AGTPBP1: variants seen among roughly 807,000 people sequenced by gnomAD.
The protein encoded by AGTPBP1 is ATP/GTP binding carboxypeptidase 1.
Under a neutral mutation model 143.9 loss-of-function variants are expected in AGTPBP1, and 70 were observed. That is an observed-to-expected ratio of 0.49 (90% confidence interval 0.40 to 0.59). The LOEUF (loss-of-function observed/expected upper bound fraction) is 0.59. Ranked by LOEUF, AGTPBP1 falls within the 20% of genes least tolerant of loss-of-function variation. The pLI, the probability that AGTPBP1 is intolerant of heterozygous loss-of-function variation, is 0.00. For missense variants in AGTPBP1, 1,229 were observed against 1,464.5 expected (o/e 0.84, Z 2.62); for synonymous variants, 463 against 500.2 (o/e 0.93, Z 0.99).
intron 1 of AGTPBP1, 105 bp downstream of exon 1, chr9:85,741,670 G>A: frequency 8.0e-7 from 1 of 1,255,058 alleles, no homozygotes; most frequent in Non-Finnish European, 1.0e-6. Context: ...CAGGGATCCG[G>A]GGTCGCCCCT....
chr9:85,697,288 T>G (rs559353642), intron 2 of AGTPBP1, among the ~76,000 whole-genome samples: 6 of 152,230 alleles, frequency 3.9e-5, no homozygotes, highest in Admixed American at 3.3e-4. Context: ...TGCAAAAATG[T>G]AATAAAATAT....
the AGTPBP1 span, among the ~76,000 whole-genome samples, chr9:85,748,821 G>A: frequency 3.9e-5 from 6 of 152,068 alleles, no homozygotes; most frequent in African/African-American, 1.4e-4. Flanking sequence ...GTTCAGTGTT[G>A]TGGTCTTTGG....
the AGTPBP1 span, among the ~76,000 whole-genome samples, chr9:85,766,618 G>T: frequency 4.5e-4 from 68 of 152,234 alleles, no homozygotes; most frequent in African/African-American, 1.6e-3. Context: ...TTGAGGGAAT[G>T]ATGAGCCTCC....
At chr9:85,786,619 A>G in the AGTPBP1 span, 1 of 1,524,482 alleles carries the variant, frequency 6.6e-7, no homozygotes, top group Non-Finnish European at 8.8e-7. Flanking sequence ...ATGTAAAAAG[A>G]TTCCTTTTTC....
intron 24 of AGTPBP1, among the ~76,000 whole-genome samples, chr9:85,575,896 T>A (rs539236225): frequency 6.6e-6 from 1 of 152,144 alleles, no homozygotes; most frequent in African/African-American, 2.4e-5. Flanking sequence ...ATATGTACAT[T>A]TGAACATTAC....
At chr9:85,629,773 C>T (rs1269419790) in intron 14 of AGTPBP1, among the ~76,000 whole-genome samples, 1 of 152,144 alleles carries the variant, frequency 6.6e-6, no homozygotes, top group Non-Finnish European at 1.5e-5. Flanking sequence ...AGAAGCACTG[C>T]TTGGGAGGGA....
chr9:85,759,316 A>T, the AGTPBP1 span, among the ~76,000 whole-genome samples: 5 of 152,202 alleles, frequency 3.3e-5, no homozygotes, highest in Non-Finnish European at 5.9e-5. Flanking sequence ...AACACAATAT[A>T]CATTCTTCTC....
intron 20 of AGTPBP1, among the ~76,000 whole-genome samples, chr9:85,588,944 T>C (rs1213921853): frequency 6.6e-6 from 1 of 152,116 alleles, no homozygotes; most frequent in Non-Finnish European, 1.5e-5. Flanking sequence ...CCCCAAAATT[T>C]CACTATACAT....
chr9:85,727,665 A>G (rs1689893618), intron 1 of AGTPBP1, among the ~76,000 whole-genome samples: 1 of 147,334 alleles, frequency 6.8e-6, no homozygotes. Flanking sequence ...GGCCCAATCT[A>G]CAAACATTTG....
chr9:85,655,088 A>T, intron 11 of AGTPBP1, 55 bp downstream of exon 11: 1 of 1,419,720 alleles, frequency 7.0e-7, no homozygotes, highest in African/African-American at 1.5e-5. Context: ...AGAAAATCAC[A>T]GGGTCACATA....
the AGTPBP1 span, among the ~76,000 whole-genome samples, chr9:85,804,791 A>G: frequency 1.3e-5 from 2 of 152,214 alleles, no homozygotes; most frequent in Non-Finnish European, 2.9e-5. Context: ...GGAACTGAGC[A>G]ATGTTAGTTA....
intron 1 of AGTPBP1, among the ~76,000 whole-genome samples, chr9:85,735,089 T>C (rs1246691296): frequency 2.0e-5 from 3 of 152,148 alleles, no homozygotes. Flanking sequence ...GATGTTTACA[T>C]ACCTAGATTC....
chr9:85,668,202 T>C (rs938998205), intron 8 of AGTPBP1, among the ~76,000 whole-genome samples: 4 of 152,110 alleles, frequency 2.6e-5, no homozygotes, highest in Non-Finnish European at 4.4e-5. Context: ...TCTACATTTG[T>C]GTAGGCTTGG....
chr9:85,667,988 A>T (rs1045216185), intron 8 of AGTPBP1, among the ~76,000 whole-genome samples: 3 of 151,994 alleles, frequency 2.0e-5, no homozygotes, highest in Non-Finnish European at 4.4e-5. Context: ...CACAGAAAAG[A>T]CAACTGCGGT....
At chr9:85,725,470 C>T (rs1587984561) in intron 1 of AGTPBP1, among the ~76,000 whole-genome samples, 1 of 152,190 alleles carries the variant, frequency 6.6e-6, no homozygotes, top group East Asian at 1.9e-4. Flanking sequence ...GGTTGCTACG[C>T]ATAGGGGGAG....
chr9:85,592,856 C>T, intron 18 of AGTPBP1, 152 bp from the exon 19 acceptor site: 1 of 830,712 alleles, frequency 1.2e-6, no homozygotes, highest in South Asian at 1.7e-5. Context: ...AAACTTAGTA[C>T]TAATAAAGCA....
At chr9:85,723,643 C>T (rs555162114) in intron 1 of AGTPBP1, among the ~76,000 whole-genome samples, 6 of 152,338 alleles carry the variant, frequency 3.9e-5, no homozygotes, top group South Asian at 2.1e-4. Flanking sequence ...TGACCCCTTG[C>T]GCTTCCCAGG....
intron 2 of AGTPBP1, among the ~76,000 whole-genome samples, chr9:85,704,450 T>C (rs753107364): frequency 6.6e-6 from 1 of 152,150 alleles, no homozygotes; most frequent in Non-Finnish European, 1.5e-5. Flanking sequence ...TTGTGTCTGA[T>C]CCCACCAATC....
In AGTPBP1 at chr9:85,546,829, T is replaced by C; in HGVS notation, c.*280A>G. The C allele has an allele frequency of 4.2e-6, 1 of 240,662 alleles. No individual in the cohort carries two copies. Among genetic ancestry groups the C allele is most frequent in the South Asian group, 1.1e-4 (1 of 9,462 alleles). The allele number at this position is 240,662 out of a possible 1,614,324, so 14.9% of individuals were successfully genotyped here. A position where few individuals can be genotyped will look rare whatever the true frequency, so the allele number is the denominator to read the frequency against. ...GATGCAGGATATAACCATAGGGAGA[T>C]AAAAATTCATGCAATGATACTCAGG... On this transcript the variant is annotated 3_prime_UTR_variant, in exon 26 of 26. Transcript: ENST00000357081.
Sources: gnomAD v4.1 joint callset for allele counts (sites outside exome capture counted in the v4.1 genomes callset) on GRCh38, gnomAD v4.1.1 for gene constraint, MANE v1.5 for transcripts, NCBI Gene and HGNC (gene_info 2026-07-23, HGNC 2026-07-21) for gene names.